Variants in RGS3 observed in about 807,000 individuals in gnomAD.
The protein encoded by RGS3 is regulator of G-protein signalling 3.
Under a neutral mutation model 132.6 loss-of-function variants are expected in RGS3, and 80 were observed. That is an observed-to-expected ratio of 0.60 (90% confidence interval 0.50 to 0.73). The LOEUF (loss-of-function observed/expected upper bound fraction) is 0.73, where lower values mean the gene tolerates loss of function less well. Among genes scored for constraint, RGS3 ranks in the 30% least tolerant of loss-of-function variants. The pLI is 0.00. For synonymous variants in RGS3, 598 were observed against 620.6 expected (o/e 0.96, Z 0.54); for missense variants, 1,382 against 1,530.8 (o/e 0.90, Z 1.62).
At chr9:113,501,559 G>T in intron 10 of RGS3, 2 of 1,544,356 alleles carry the variant, frequency 1.3e-6, no homozygotes, top group Non-Finnish European at 8.7e-7. Flanking sequence ...GGCGGCAGCC[G>T]AGGCAGGACC....
At chr9:113,517,405 G>A (rs1831732938) in intron 15 of RGS3, 136 bp from the exon 14 acceptor site, 6 of 731,592 alleles carry the variant, frequency 8.2e-6, no homozygotes, top group East Asian at 2.6e-5. Flanking sequence ...GTGGGTTCTC[G>A]GGTCGGTGGC....
At chr9:113,484,327 C>CAAAAAAAAAAAAAAAAAAAAAACAAAA (rs1830259755) in intron 6 of RGS3, 95 bp downstream of exon 4, 1 of 84,910 alleles carries the variant, frequency 1.2e-5, no homozygotes. Flanking sequence ...TAGATCTATG[C>CAAAAAAAAAAAAAAAAAAAAAACAAAA]AAAAAAAAAA....
chr9:113,515,557 G>C (rs1375135915), intron 15 of RGS3, among the ~76,000 whole-genome samples: 1 of 151,370 alleles, frequency 6.6e-6, no homozygotes, highest in African/African-American at 2.4e-5. Flanking sequence ...CTTGAACCTG[G>C]GGGGTGGAGG....
rs1832357456 is a variant in RGS3, at chr9:113,529,217, A to G, written c.1871-4A>G. 1 of 1,612,392 alleles carries G rather than the reference A, an allele frequency of 6.2e-7. No individual in the cohort carries two copies. The highest frequency in any genetic ancestry group is 1.7e-5 in the Admixed American group (1 of 60,006). ...TGCAAATCTTACTTTTTGTTCCCTC[A>G]AAGGTTCTTCAGAAGACCTGAAATT... is the stretch of plus-strand genomic sequence containing the variant. On this transcript the variant is annotated splice_region_variant and splice_polypyrimidine_tract_variant and intron_variant, in intron 17 of 24. Transcript: ENST00000350696.
intron 3 of RGS3, among the ~76,000 whole-genome samples, chr9:113,462,762 CT>C (rs1306186369): frequency 2.0e-5 from 3 of 152,246 alleles, no homozygotes; most frequent in African/African-American, 7.2e-5. Context: ...CTTCTCTCCA[CT>C]TTCTGTCTTG....
At chr9:113,513,215 C>A (rs1462653572) in intron 14 of RGS3, among the ~76,000 whole-genome samples, 1 of 152,106 alleles carries the variant, frequency 6.6e-6, no homozygotes, top group East Asian at 1.9e-4. Flanking sequence ...AACAAAAAAA[C>A]AACAACAAAA....
chr9:113,501,617 G>T, intron 10 of RGS3: 3 of 1,562,122 alleles, frequency 1.9e-6, no homozygotes. Context: ...TGCTCGGAGC[G>T]CCGCTACCGC....
At position 113,583,955 on chromosome 9, in the gene RGS3, C is replaced by T. The variant is rs968451828; in HGVS notation, c.2543C>T (p.Ala848Val). 1.1e-5 allele frequency: 18 copies of T among 1,613,958 alleles called. No individual in the cohort carries two copies. In the African/African-American group the frequency reaches 1.3e-4, roughly 12 times the overall value. The stretch of plus-strand genomic sequence containing the variant: ...CTAGCAGCTACTGGGGACCCACCTG[C>T]GGCCCCCAGGCCAGCCTTCGTGATC... Residue 848 changes from alanine (A) to valine (V), a missense_variant, in exon 20 of 25, where the codon GCG (alanine) becomes GTG (valine). Ala to Val is a moderately conservative substitution (Grantham distance 64). Coordinates refer to ENST00000350696, the Ensembl canonical transcript of RGS3.
In RGS3 at chr9:113,463,990, A is replaced by G; in HGVS notation, c.415+1789A>G. On this transcript the variant is annotated intron_variant, in intron 3 of 24. Coordinates refer to ENST00000350696, the Ensembl canonical transcript of RGS3. This position sits in a 1 kb window ranked among gnomAD's most constrained non-coding sequence, Gnocchi z 4.6. ...GAGGCTGGGAGCAGGTGCTCTTTCT[A>G]TCTAGGGGCACCTTCTCTGGCCCCT... 2.7e-6 allele frequency: 3 copies of G among 1,123,612 alleles called. No homozygotes were observed. Among genetic ancestry groups the G allele is most frequent in the East Asian group, 2.6e-5 (1 of 38,760 alleles). The allele number at this position is 1,123,612 out of a possible 1,614,324, so 69.6% of individuals were successfully genotyped here.
intron 3 of RGS3, among the ~76,000 whole-genome samples, chr9:113,465,741 G>A (rs562131671): frequency 6.6e-6 from 1 of 152,280 alleles, no homozygotes; most frequent in East Asian, 1.9e-4. Flanking sequence ...GCTTGAACAA[G>A]TGACTGTGAC....
intron 10 of RGS3, among the ~76,000 whole-genome samples, chr9:113,500,404 G>T (rs1460453906): frequency 6.6e-6 from 1 of 152,218 alleles, no homozygotes; most frequent in African/African-American, 2.4e-5. Context: ...TTCCCCAGGG[G>T]CTCTGAGATG....
chr9:113,544,485 A>G (rs1564551129), intron 19 of RGS3, among the ~76,000 whole-genome samples: 1 of 151,714 alleles, frequency 6.6e-6, no homozygotes, highest in Non-Finnish European at 1.5e-5. Flanking sequence ...TTTATTCTTT[A>G]TTTTTCCCCA....
chr9:113,587,649 C>T (rs944333482), intron 20 of RGS3, among the ~76,000 whole-genome samples: 5 of 152,192 alleles, frequency 3.3e-5, no homozygotes, highest in Non-Finnish European at 7.3e-5. Context: ...CATTCAGTCT[C>T]GACGTTGTCT....
At chr9:113,510,180 A>C (rs1319992966) in intron 14 of RGS3, among the ~76,000 whole-genome samples, 2 of 152,070 alleles carry the variant, frequency 1.3e-5, no homozygotes, top group African/African-American at 4.8e-5. Flanking sequence ...CGTTGAGAAC[A>C]TACAATGTTT....
chr9:113,511,919 C>T (rs533093538), intron 14 of RGS3, among the ~76,000 whole-genome samples: 14 of 152,084 alleles, frequency 9.2e-5, no homozygotes, highest in African/African-American at 2.9e-4. Flanking sequence ...GGTTTGAGAC[C>T]GAGCAGCCCT....
intron 10 of RGS3, among the ~76,000 whole-genome samples, chr9:113,504,421 C>T (rs543808145): frequency 4.5e-4 from 68 of 152,320 alleles, no homozygotes; most frequent in African/African-American, 1.5e-3. Flanking sequence ...GGCAGACCAC[C>T]CTACATCCTC....
chr9:113,537,807 G>A lies in RGS3; in HGVS notation c.2037+889G>A, dbSNP rs1832743395. On this transcript the variant is annotated intron_variant, in intron 19 of 24. Transcript: ENST00000350696. This position sits in a 1 kb window ranked among gnomAD's most constrained non-coding sequence, Gnocchi z 4.3. The stretch of plus-strand genomic sequence containing the variant: ...AGCAGGCCTATGCAGGGGGCAGTTG[G>A]GGGGCAGGCCTGCTGAAGCAGGAGG... Among the ~76,000 whole-genome samples, 1 of 152,186 alleles carries A rather than the reference G, an allele frequency of 6.6e-6. No homozygotes were observed. Among genetic ancestry groups the A allele is most frequent in the Non-Finnish European group, 1.5e-5 (1 of 68,036 alleles).
chr9:113,522,662 T>G (rs993372269), intron 16 of RGS3: 1 of 465,370 alleles, frequency 2.1e-6, no homozygotes, highest in African/African-American at 2.0e-5. Flanking sequence ...CCATGGAGGG[T>G]GAGGGCCACT....
At chr9:113,536,635 C>A in intron 18 of RGS3, 161 bp from the exon 17 acceptor site, 1 of 1,470,932 alleles carries the variant, frequency 6.8e-7, no homozygotes. Context: ...CTGGCTGCCT[C>A]AATGTCACTG....
Sources: allele counts gnomAD v4.1 joint callset (sites outside exome capture counted in the v4.1 genomes callset), GRCh38; gene constraint gnomAD v4.1.1; non-coding constraint Gnocchi (gnomAD v3.1); transcripts MANE v1.5; gene names NCBI Gene and HGNC (gene_info 2026-07-23, HGNC 2026-07-21).